Variants in TRIM42 observed in about 807,000 individuals in gnomAD.
TRIM42 encodes tripartite motif-containing protein 42.
In TRIM42, 59 loss-of-function variants were observed where a neutral mutation model predicts 64.9. The ratio of observed to expected loss-of-function variants is 0.91; its 90% CI spans 0.74 to 1.13. The LOEUF is 1.13. Among genes scored for constraint, TRIM42 ranks in the 50% most tolerant of loss-of-function variants. The probability of loss-of-function intolerance (pLI) is 0.00; values close to 1 mark genes in which losing one functional copy is unlikely to be tolerated. For missense variants in TRIM42, 878 were observed against 929.5 expected (o/e 0.94, Z 0.72); for synonymous variants, 354 against 346.3 (o/e 1.02, Z -0.25).
At chr3:140,694,321 C>T (rs1988796160) in intron 4 of TRIM42, among the ~76,000 whole-genome samples, 1 of 152,224 alleles carries the variant, frequency 6.6e-6, no homozygotes, top group Admixed American at 6.5e-5. Context: ...GTCTTACACA[C>T]CCTTCTGTGC....
At chr3:140,700,155 C>A (rs982099495) in intron 4 of TRIM42, among the ~76,000 whole-genome samples, 2 of 152,032 alleles carry the variant, frequency 1.3e-5, no homozygotes, top group African/African-American at 4.8e-5. Flanking sequence ...GTGAAGAAAC[C>A]CAGTATCTTC....
At position 140,691,152 on chromosome 3, in the gene TRIM42, T is replaced by C; in HGVS notation, c.2045T>C (p.Ile682Thr). 1 of 1,614,164 alleles carries C rather than the reference T, an allele frequency of 6.2e-7. No individual in the cohort carries two copies. Among genetic ancestry groups the C allele is most frequent in the East Asian group, 2.2e-5 (1 of 44,882 alleles). The part of the protein sequence containing the change: ...NTEYVFKVRA[I>T]NDNGPGQWSD... ...GAATACGTGTTTAAAGTTAGAGCCA[T>C]CAATGATAATGGTCCTGGGCAATGG... The change falls in exon 4 of 5, where the codon ATC (isoleucine) becomes ACC (threonine). Residue 682 changes from isoleucine (I) to threonine (T), a missense_variant. Coordinates refer to ENST00000286349, the MANE Select transcript of TRIM42 (RefSeq NM_152616.5).
At chr3:140,692,129 T>A (rs2107764286) in intron 4 of TRIM42, among the ~76,000 whole-genome samples, 1 of 152,268 alleles carries the variant, frequency 6.6e-6, no homozygotes, top group African/African-American at 2.4e-5. Flanking sequence ...TCCCTCTTTC[T>A]CTTCTCTTCC....
Position 140,682,823 on chromosome 3 carries a change from C to T in TRIM42, c.703C>T (p.Pro235Ser). The change falls in exon 2 of 5, where the codon CCC becomes TCC. Residue 235 changes from proline to serine, a missense_variant. Transcript: ENST00000286349. Reference sequence around the variant, plus strand: ...GTGGCGCTTTGACCGCTCCTCCGGGCCCATCCTCTGCCAGGTCTGCCGCAA... The same window carrying T: ...GTGGCGCTTTGACCGCTCCTCCGGGTCCATCCTCTGCCAGGTCTGCCGCAA... ...LKWRFDRSSG[P>S]ILCQVCRNKR... 1 of 1,614,076 alleles carries T rather than the reference C, an allele frequency of 6.2e-7. No individual in the cohort carries two copies. Among genetic ancestry groups the T allele is most frequent in the South Asian group, 1.1e-5 (1 of 91,080 alleles).
At position 140,682,648 on chromosome 3, in the gene TRIM42, C is replaced by T. The variant is rs1988432776; in HGVS notation, c.528C>T (p.His176=). ...AGTGCCTGCGGCAGCTGCAGAAGCA[C>T]GCCGAGGTCACCGAGAACTTCTTCA... ...CEKCLRQLQK[H]AEVTENFFIL... The change falls in exon 2 of 5, where the codon CAC becomes CAT. Residue 176 remains histidine, a synonymous_variant. Transcript: ENST00000286349. The T allele has an allele frequency of 6.2e-7, 1 of 1,613,768 alleles. No homozygotes were observed. Among genetic ancestry groups the T allele is most frequent in the Non-Finnish European group, 8.5e-7 (1 of 1,180,048 alleles).
At position 140,687,916 on chromosome 3, in the gene TRIM42, T is replaced by C. The variant is rs553137967; in HGVS notation, c.1234T>C (p.Tyr412His). ...EVSRQKEIEK[Y>H]VYVTTMKVNE... ...GTCCAGGCAGAAGGAAATTGAAAAA[T>C]ATGTGTATGTTACAACCATGAAAGT... The change falls in exon 3 of 5, where the codon TAT becomes CAT. Residue 412 changes from tyrosine to histidine, a missense_variant. By Grantham distance (83) the Tyr-to-His change is moderately conservative. Coordinates refer to ENST00000286349, the MANE Select transcript of TRIM42 (RefSeq NM_152616.5). The C allele has an allele frequency of 2.5e-6, 4 of 1,613,840 alleles. No homozygotes were observed. The Admixed American group carries it at 6.7e-5, about 27-fold the overall frequency.
chr3:140,680,186 C>A (rs1230573006), intron 1 of TRIM42, among the ~76,000 whole-genome samples: 4 of 152,060 alleles, frequency 2.6e-5, no homozygotes, highest in Non-Finnish European at 5.9e-5. Context: ...CCCGTCCAAG[C>A]CTGAGGCTTT....
Position 140,682,671 on chromosome 3 carries a change from TC to T in TRIM42, c.552del (p.Phe184LeufsTer172), listed in dbSNP as rs1988434429. On this transcript the variant is annotated frameshift_variant, in exon 2 of 5. Transcript: ENST00000286349. LOFTEE classifies it high-confidence loss of function. ...CACGCCGAGGTCACCGAGAACTTCT[TC>T]ATCCTCATCTGCCCAGTGTGCGACC... ...QKHAEVTENF[F>X]ILICPVCDRS... 1 of 1,613,024 alleles carries T rather than the reference TC, an allele frequency of 6.2e-7. No homozygotes were observed. The highest frequency in any genetic ancestry group is 1.7e-5 in the Admixed American group (1 of 60,006).
chr3:140,683,162 C>G lies in TRIM42; in HGVS notation c.1039+3C>G, dbSNP rs866806517. On this transcript the variant is annotated splice_donor_region_variant and intron_variant, in intron 2 of 4. Coordinates refer to ENST00000286349, the MANE Select transcript of TRIM42 (RefSeq NM_152616.5). ...CGCCATCGCCAAGTTCAAAGCAGGT[C>G]CTCCCCTTTTCCACTCCTTCAGCCT... 6.2e-7 allele frequency: 1 copy of G among 1,613,444 alleles called. No individual in the cohort carries two copies. Among genetic ancestry groups the G allele is most frequent in the African/African-American group, 1.3e-5 (1 of 75,008 alleles).
At chr3:140,698,301 C>T (rs1034191285) in intron 4 of TRIM42, among the ~76,000 whole-genome samples, 1 of 152,148 alleles carries the variant, frequency 6.6e-6, no homozygotes, top group Admixed American at 6.5e-5. Context: ...AATTTGGAAA[C>T]AAATGGTATT....
chr3:140,688,504 G>A lies in TRIM42; in HGVS notation c.1822G>A (p.Val608Ile), dbSNP rs771210304. The A allele has an allele frequency of 9.3e-6, 15 of 1,613,702 alleles. No homozygotes were observed. The highest frequency in any genetic ancestry group is 1.1e-5 in the Non-Finnish European group (13 of 1,179,744). Residue 608 changes from valine to isoleucine, a missense_variant, in exon 3 of 5, where the codon GTT (valine) becomes ATT (isoleucine). Physicochemically the swap from Val to Ile is conservative, Grantham distance 29. Coordinates refer to ENST00000286349, the MANE Select transcript of TRIM42 (RefSeq NM_152616.5). The part of the protein sequence containing the change: ...DGSVKTPGPI[V>I]IYQTLVYPRA... ...CTCTGTGAAGACCCCAGGCCCAATT[G>A]TTATCTACCAGACTCTGGTGTACCC... is the stretch of plus-strand genomic sequence containing the variant.
At chr3:140,693,998 T>C (rs1435528584) in intron 4 of TRIM42, among the ~76,000 whole-genome samples, 1 of 152,104 alleles carries the variant, frequency 6.6e-6, no homozygotes, top group Non-Finnish European at 1.5e-5. Flanking sequence ...GTGTCTTCCA[T>C]TTTACAGATA....
rs1397816809 is a variant in TRIM42, at chr3:140,700,878, C to G, written c.2086-10C>G. 1 of 1,613,838 alleles carries G rather than the reference C, an allele frequency of 6.2e-7. No homozygotes were observed. The highest frequency in any genetic ancestry group is 8.5e-7 in the Non-Finnish European group (1 of 1,179,778). On this transcript the variant is annotated splice_polypyrimidine_tract_variant and intron_variant, in intron 4 of 4. Transcript: ENST00000286349. ...TATTGGGTGTCATGACTCTTCGCTT[C>G]TGATTGCAGGTGGTAACACCAGATG...
In TRIM42 at chr3:140,688,214, A is replaced by G; in HGVS notation, c.1532A>G (p.His511Arg). 3 of 1,614,094 alleles carry G rather than the reference A, an allele frequency of 1.9e-6. No homozygotes were observed. Among genetic ancestry groups the G allele is most frequent in the Non-Finnish European group, 2.5e-6 (3 of 1,180,004 alleles). The change falls in exon 3 of 5, where the codon CAC (histidine) becomes CGC (arginine). Residue 511 changes from histidine (H) to arginine (R), a missense_variant. By Grantham distance (29) the His-to-Arg change is conservative. Transcript: ENST00000286349. ...GDSLPSPYPV[H>R]SETMIARKVT... ...TCCCTGCCCTCCCCCTACCCCGTGC[A>G]CTCAGAAACAATGATTGCCAGGAAG...
chr3:140,678,522 A>G lies in TRIM42; in HGVS notation c.293A>G (p.Asn98Ser), dbSNP rs1988268219. 1 of 1,614,024 alleles carries G rather than the reference A, an allele frequency of 6.2e-7. No homozygotes were observed. The highest frequency in any genetic ancestry group is 1.3e-5 in the African/African-American group (1 of 74,912). The change falls in exon 1 of 5, where the codon AAT (asparagine) becomes AGT (serine). Residue 98 changes from asparagine to serine, a missense_variant. By Grantham distance (46) the Asn-to-Ser change is conservative. Transcript: ENST00000286349. ...CYYYESRCCRNTIITFHKGRL... is the reference protein window; with the variant it reads ...CYYYESRCCRSTIITFHKGRL... ...TACTATGAGAGCCGCTGCTGCCGCA[A>G]TACCATCATCACTTTCCACAAGGGC...
rs539267185 is a variant in TRIM42, at chr3:140,694,897, G to A, written c.2085+3705G>A. Among the ~76,000 whole-genome samples, 4 of 152,118 alleles carry A rather than the reference G, an allele frequency of 2.6e-5. No individual in the cohort carries two copies. The East Asian group carries it at 5.8e-4, about 22-fold the overall frequency. On this transcript the variant is annotated intron_variant, in intron 4 of 4. Coordinates refer to ENST00000286349, the MANE Select transcript of TRIM42 (RefSeq NM_152616.5). ...TCCACCTCCATCTTCCACCTTGAAGGTCCCTTGTGACTGCTTTGAGCCCAC... is the reference window on the plus strand; with the variant it reads ...TCCACCTCCATCTTCCACCTTGAAGATCCCTTGTGACTGCTTTGAGCCCAC...
intron 4 of TRIM42, among the ~76,000 whole-genome samples, chr3:140,698,190 T>A (rs1988906263): frequency 6.6e-6 from 1 of 152,234 alleles, no homozygotes; most frequent in Non-Finnish European, 1.5e-5. Context: ...ATTATTTAGC[T>A]AATCATAGAA....
intron 3 of TRIM42, 111 bp downstream of exon 3, chr3:140,688,653 C>T (rs746825759): frequency 1.6e-5 from 13 of 789,432 alleles, no homozygotes; most frequent in Non-Finnish European, 2.4e-5. Context: ...GATCTGGTCA[C>T]TCATATCTGC....
intron 1 of TRIM42, among the ~76,000 whole-genome samples, chr3:140,679,750 G>T (rs1214318351): frequency 6.6e-6 from 1 of 152,102 alleles, no homozygotes; most frequent in East Asian, 1.9e-4. Context: ...CTGAACCTCT[G>T]AGCCCATTTC....
Sources: gnomAD v4.1 joint callset for allele counts (sites outside exome capture counted in the v4.1 genomes callset) on GRCh38, gnomAD v4.1.1 for gene constraint, MANE v1.5 for transcripts, NCBI Gene and HGNC (gene_info 2026-07-23, HGNC 2026-07-21) for gene names.